The following BIRC6 variants were observed in gnomAD, a reference collection of about 807,000 sequenced individuals.
BIRC6 encodes dual E2 ubiquitin-conjugating enzyme/E3 ubiquitin-protein ligase BIRC6.
In BIRC6, 98 loss-of-function variants were observed where a neutral mutation model predicts 503.3. The observed-to-expected ratio is 0.19, with a 90% CI of 0.17 to 0.23. The LOEUF (loss-of-function observed/expected upper bound fraction) is 0.23. Among genes scored for constraint, BIRC6 ranks in the 10% least tolerant of loss-of-function variants. BIRC6 has a pLI of 1.00. For missense variants in BIRC6, 5,360 were observed against 5,806.0 expected (o/e 0.92, Z 2.50); for synonymous variants, 2,240 against 2,078.7 (o/e 1.08, Z -2.11).
At chr2:32,392,192 T>A (rs1220183119) in intron 5 of BIRC6, 42 bp downstream of exon 5, 1 of 1,318,874 alleles carries the variant, frequency 7.6e-7, no homozygotes, top group African/African-American at 1.5e-5. Context: ...CAGTAGGCCT[T>A]TGTAGCCCTC....
At position 32,441,310 on chromosome 2, in the gene BIRC6, T is replaced by C; in HGVS notation, c.3811-19T>C. 7.0e-7 allele frequency: 1 copy of C among 1,421,290 alleles called. No individual in the cohort carries two copies. The highest frequency in any genetic ancestry group is 9.6e-7 in the Non-Finnish European group (1 of 1,044,566). The allele number at this position is 1,421,290 out of a possible 1,614,324, so 88.0% of individuals were successfully genotyped here. ...GTTTAGTTTATTTTTTAAAATTCAT[T>C]ATTATTTGTAATGTTTAGGAAAAAT... On this transcript the variant is annotated intron_variant, in intron 16 of 73. Coordinates refer to ENST00000421745, the MANE Select transcript of BIRC6 (RefSeq NM_016252.4).
At chr2:32,384,493 A>G (rs2038159497) in intron 3 of BIRC6, among the ~76,000 whole-genome samples, 1 of 152,142 alleles carries the variant, frequency 6.6e-6, no homozygotes, top group Non-Finnish European at 1.5e-5. Context: ...ACGGCAGAAA[A>G]CTATGGACAG....
intron 1 of BIRC6, among the ~76,000 whole-genome samples, chr2:32,372,702 C>G (rs1031655277): frequency 6.6e-6 from 1 of 151,936 alleles, no homozygotes; most frequent in African/African-American, 2.4e-5. Flanking sequence ...TCATGGTGTG[C>G]GCCTGTAGTC....
chr2:32,544,019 T>G (rs1267653189), intron 62 of BIRC6, among the ~76,000 whole-genome samples: 10 of 152,052 alleles, frequency 6.6e-5, no homozygotes, highest in Non-Finnish European at 1.3e-4. Context: ...CAGATTAGAT[T>G]TAGGTTGGGA....
intron 56 of BIRC6, 115 bp from the exon 57 acceptor site, chr2:32,518,702 T>C (rs2055328966): frequency 8.1e-7 from 1 of 1,241,090 alleles, no homozygotes; most frequent in East Asian, 2.5e-5. Context: ...TCTAAATTAA[T>C]TATATCTTGT....
chr2:32,362,540 G>A (rs374964257), intron 1 of BIRC6, among the ~76,000 whole-genome samples: 3 of 151,786 alleles, frequency 2.0e-5, no homozygotes, highest in East Asian at 3.9e-4. Flanking sequence ...GGATGGTCTC[G>A]ATCTCTTGAC....
intron 65 of BIRC6, among the ~76,000 whole-genome samples, chr2:32,559,301 A>G (rs565629224): frequency 6.6e-6 from 1 of 152,350 alleles, no homozygotes; most frequent in African/African-American, 2.4e-5. Flanking sequence ...ACACTGATTA[A>G]ACATGCATTT....
intron 63 of BIRC6, among the ~76,000 whole-genome samples, chr2:32,546,195 G>A (rs981227611): frequency 6.6e-6 from 1 of 152,036 alleles, no homozygotes; most frequent in Non-Finnish European, 1.5e-5. Context: ...GGTTGTGGGT[G>A]GGGATCTAGC....
At chr2:32,413,311 G>A (rs2042087977) in intron 9 of BIRC6, among the ~76,000 whole-genome samples, 1 of 151,686 alleles carries the variant, frequency 6.6e-6, no homozygotes, top group Non-Finnish European at 1.5e-5. Flanking sequence ...CTCCTGAGTA[G>A]CTGGGATTAC....
At chr2:32,530,610 G>A (rs952863291) in intron 60 of BIRC6, among the ~76,000 whole-genome samples, 6 of 15,886 alleles carry the variant, frequency 3.8e-4, no homozygotes, top group African/African-American at 1.5e-3. Context: ...TCGAAACATT[G>A]TGGTTGTTTC....
intron 39 of BIRC6, among the ~76,000 whole-genome samples, chr2:32,483,733 G>C (rs1572540935): frequency 6.6e-6 from 1 of 152,184 alleles, no homozygotes; most frequent in Admixed American, 6.5e-5. Flanking sequence ...CTCAGTTTGT[G>C]TTTGTATGCT....
rs753575072 is a variant in BIRC6 at position 32,468,477 on chromosome 2, A to C, written c.5821A>C (p.Ser1941Arg). 6.3e-7 allele frequency: 1 copy of C among 1,594,100 alleles called. No homozygotes were observed. Among genetic ancestry groups the C allele is most frequent in the Non-Finnish European group, 8.6e-7 (1 of 1,169,272 alleles). Residue 1941 changes from serine to arginine, a missense_variant, in exon 29 of 74, where the codon AGT becomes CGT. Coordinates refer to ENST00000421745, the MANE Select transcript of BIRC6 (RefSeq NM_016252.4). Reference sequence around the variant, plus strand: ...TCATCGTCTGGAAACCCTTTTGCAAAGTATTGATCTTCCTCCTCTAAACAG... The same window carrying C: ...TCATCGTCTGGAAACCCTTTTGCAACGTATTGATCTTCCTCCTCTAAACAG... ...ACHRLETLLQ[S>R]IDLPPLNSAN... is the part of the protein sequence containing the mutation.
chr2:32,597,623 T>C, intron 68 of BIRC6, 128 bp from the exon 69 acceptor site: 1 of 675,742 alleles, frequency 1.5e-6, no homozygotes, highest in Admixed American at 2.6e-5. Context: ...ACATTTACAC[T>C]TTTGCTATTC....
intron 63 of BIRC6, among the ~76,000 whole-genome samples, chr2:32,546,478 G>C (rs553897396): frequency 1.3e-5 from 2 of 152,164 alleles, no homozygotes; most frequent in Admixed American, 6.5e-5. Context: ...TACTCGGGAG[G>C]CTGAGGCAAG....
intron 70 of BIRC6, 107 bp downstream of exon 70, chr2:32,600,007 T>TAC: frequency 3.8e-6 from 4 of 1,060,756 alleles, no homozygotes; most frequent in Non-Finnish European, 5.4e-6. Flanking sequence ...AGGGCATGGG[T>TAC]TTCTTTGTAC....
chr2:32,485,541 C>G (rs1214335632), intron 39 of BIRC6, 102 bp from the exon 40 acceptor site: 11 of 724,302 alleles, frequency 1.5e-5, no homozygotes, highest in Non-Finnish European at 2.6e-5. Context: ...AGAACACACT[C>G]TTCATCCTCT....
intron 39 of BIRC6, among the ~76,000 whole-genome samples, chr2:32,483,608 G>A (rs977667152): frequency 1.3e-5 from 2 of 152,178 alleles, no homozygotes; most frequent in Admixed American, 1.3e-4. Context: ...ATAATGCATT[G>A]CATTTAATCG....
At chr2:32,551,313 C>A (rs892886059) in intron 65 of BIRC6, among the ~76,000 whole-genome samples, 2 of 152,018 alleles carry the variant, frequency 1.3e-5, no homozygotes, top group Admixed American at 1.3e-4. Flanking sequence ...GACAGGGTTT[C>A]CCTCTGTCAC....
chr2:32,612,573 G>C (rs2062952056), intron 73 of BIRC6, among the ~76,000 whole-genome samples: 1 of 152,096 alleles, frequency 6.6e-6, no homozygotes, highest in Non-Finnish European at 1.5e-5. Flanking sequence ...TAGTTTTTTA[G>C]GTGTGATTTT....
Sources: allele counts gnomAD v4.1 joint callset (sites outside exome capture counted in the v4.1 genomes callset), GRCh38; gene constraint gnomAD v4.1.1; transcripts MANE v1.5; gene names NCBI Gene and HGNC (gene_info 2026-07-23, HGNC 2026-07-21).